Variants in LINGO2 observed in about 807,000 individuals in gnomAD.
The protein encoded by LINGO2 is leucine-rich repeat and immunoglobulin-like domain-containing nogo receptor-interacting protein 2.
A neutral mutation model predicts 30.6 loss-of-function variants in LINGO2; 14 were observed. The observed-to-expected ratio is 0.46, with a 90% CI of 0.30 to 0.72. LINGO2 has a LOEUF of 0.72. Among genes scored for constraint, LINGO2 ranks in the 30% least tolerant of loss-of-function variants. The probability of loss-of-function intolerance (pLI) is 0.07; values close to 1 mark genes in which losing one functional copy is unlikely to be tolerated. For missense variants in LINGO2, 729 were observed against 751.7 expected (o/e 0.97, Z 0.35); for synonymous variants, 317 against 288.5 (o/e 1.10, Z -1.00).
At chr9:28,285,476 G>T (rs1254044983) in intron 4 of LINGO2, among the ~76,000 whole-genome samples, 2 of 130,520 alleles carry the variant, frequency 1.5e-5, no homozygotes, top group African/African-American at 5.8e-5. Flanking sequence ...CGTGATCTCA[G>T]CTCACTGCAA....
chr9:28,408,528 C>A (rs112759872), intron 2 of LINGO2, among the ~76,000 whole-genome samples: 50 of 151,134 alleles, frequency 3.3e-4, no homozygotes, highest in African/African-American at 1.1e-3. Context: ...GGACAAAAAA[C>A]CAAACACTGC....
chr9:28,829,503 G>A, the LINGO2 span, among the ~76,000 whole-genome samples: 1 of 152,202 alleles, frequency 6.6e-6, no homozygotes, highest in Non-Finnish European at 1.5e-5. Flanking sequence ...GGCTTCAGGG[G>A]ATAACATGGG....
At chr9:28,436,748 C>T (rs1010655305) in intron 2 of LINGO2, among the ~76,000 whole-genome samples, 4 of 152,218 alleles carry the variant, frequency 2.6e-5, no homozygotes, top group Non-Finnish European at 5.9e-5. Flanking sequence ...TAAGCCACCG[C>T]GCCCGGCCAG....
the LINGO2 span, among the ~76,000 whole-genome samples, chr9:28,926,182 C>A: frequency 1.3e-5 from 2 of 152,038 alleles, no homozygotes; most frequent in Admixed American, 6.6e-5. Flanking sequence ...GGGACAGTGG[C>A]GCATGCCTGT....
At chr9:28,125,067 G>C (rs914009041) in intron 4 of LINGO2, among the ~76,000 whole-genome samples, 1 of 152,154 alleles carries the variant, frequency 6.6e-6, no homozygotes, top group African/African-American at 2.4e-5. Flanking sequence ...TTGTGCTTCT[G>C]GTAGGACATT....
At chr9:28,655,778 T>A (rs926205468) in intron 1 of LINGO2, among the ~76,000 whole-genome samples, 5 of 152,092 alleles carry the variant, frequency 3.3e-5, no homozygotes, top group Admixed American at 6.6e-5. Context: ...TGAAGAAGGA[T>A]GTGTTGGTCT....
At chr9:28,803,323 T>TTGTG in the LINGO2 span, among the ~76,000 whole-genome samples, 2 of 150,958 alleles carry the variant, frequency 1.3e-5, no homozygotes, top group African/African-American at 4.9e-5. Flanking sequence ...GTGAGTGTGT[T>TTGTG]TGTGTGTGTG....
the LINGO2 span, among the ~76,000 whole-genome samples, chr9:29,136,556 T>C: frequency 6.6e-6 from 1 of 152,176 alleles, no homozygotes; most frequent in Non-Finnish European, 1.5e-5. Flanking sequence ...ACTTTTCCTC[T>C]TAAAATATTT....
intron 1 of LINGO2, among the ~76,000 whole-genome samples, chr9:28,567,441 T>A (rs76652703): frequency 0.017 from 2,593 of 152,164 alleles, 67 homozygotes; most frequent in African/African-American, 0.057. Context: ...GTGGTACATA[T>A]ACACTGTGAA....
chr9:28,430,273 C>G (rs757515465), intron 2 of LINGO2, among the ~76,000 whole-genome samples: 16 of 152,138 alleles, frequency 1.1e-4, no homozygotes, highest in South Asian at 2.1e-4. Flanking sequence ...AGCCATGTGA[C>G]TTAGGTGGGT....
chr9:28,326,108 G>A (rs975219752), intron 3 of LINGO2, among the ~76,000 whole-genome samples: 4 of 152,168 alleles, frequency 2.6e-5, no homozygotes, highest in African/African-American at 9.7e-5. Context: ...CTGGGTTCAA[G>A]CGAGCCTCCT....
the LINGO2 span, among the ~76,000 whole-genome samples, chr9:28,852,965 G>T: frequency 2.0e-5 from 3 of 151,988 alleles, no homozygotes; most frequent in Non-Finnish European, 4.4e-5. Context: ...AGTGACCAGG[G>T]CTGAAATTAT....
At chr9:28,689,743 A>G in the LINGO2 span, among the ~76,000 whole-genome samples, 1 of 152,158 alleles carries the variant, frequency 6.6e-6, no homozygotes, top group Admixed American at 6.5e-5. Context: ...TCTATTATAA[A>G]GATACATGCA....
At chr9:28,876,040 C>T in the LINGO2 span, among the ~76,000 whole-genome samples, 2 of 151,940 alleles carry the variant, frequency 1.3e-5, no homozygotes, top group African/African-American at 4.8e-5. Flanking sequence ...ATATTAAACC[C>T]TTTCACTCCG....
chr9:28,148,935 C>G lies in LINGO2; in HGVS notation c.-86-136530G>C. On this transcript the variant is annotated intron_variant, in intron 4 of 5. Transcript: ENST00000379992. This position sits in a 1 kb window ranked among gnomAD's most constrained non-coding sequence, Gnocchi z 5.1. ...TCAAGTAGGTCTTCTCCACACAGAG[C>G]TGCCGGCCACAGTTCCCACAAAAGA... 13 of 1,533,990 alleles carry G rather than the reference C, an allele frequency of 8.5e-6. No homozygotes were observed. Among genetic ancestry groups the G allele is most frequent in the Non-Finnish European group, 1.0e-5 (12 of 1,146,674 alleles).
chr9:28,229,195 T>A (rs1195639471), intron 4 of LINGO2, among the ~76,000 whole-genome samples: 1 of 151,830 alleles, frequency 6.6e-6, no homozygotes, highest in Non-Finnish European at 1.5e-5. Context: ...GCAAAATTCC[T>A]CCTCTTATAT....
At chr9:28,591,863 C>T (rs1398829157) in intron 1 of LINGO2, among the ~76,000 whole-genome samples, 6 of 152,002 alleles carry the variant, frequency 3.9e-5, no homozygotes, top group Non-Finnish European at 8.8e-5. Context: ...CTGTCAGTGC[C>T]CACACTTGGC....
chr9:28,361,476 T>A (rs1820440797), intron 3 of LINGO2, among the ~76,000 whole-genome samples: 1 of 152,154 alleles, frequency 6.6e-6, no homozygotes, highest in African/African-American at 2.4e-5. Flanking sequence ...CAATGTGCTC[T>A]GATATTTTTC....
At chr9:29,147,109 A>T in the LINGO2 span, among the ~76,000 whole-genome samples, 1 of 152,162 alleles carries the variant, frequency 6.6e-6, no homozygotes, top group Non-Finnish European at 1.5e-5. Context: ...ACACATCTGA[A>T]ATATACATTT....
Sources: gnomAD v4.1 joint callset for allele counts (sites outside exome capture counted in the v4.1 genomes callset) on GRCh38, gnomAD v4.1.1 for gene constraint, Gnocchi (gnomAD v3.1) non-coding constraint, MANE v1.5 for transcripts, NCBI Gene and HGNC (gene_info 2026-07-23, HGNC 2026-07-21) for gene names.